Variants in FBXW7 observed in about 807,000 individuals in gnomAD.
FBXW7 encodes the protein F-box and WD repeat domain containing 7, also known as F-box/WD repeat-containing protein 7.
Under a neutral mutation model 86.3 loss-of-function variants are expected in FBXW7, and 11 were observed. That is an observed-to-expected ratio of 0.13 (90% CI 0.08 to 0.21). FBXW7 has a LOEUF of 0.21. Ranked by LOEUF, FBXW7 falls within the 10% of genes least tolerant of loss-of-function variation. FBXW7 has a pLI of 1.00. For synonymous variants in FBXW7, 313 were observed against 297.9 expected, an observed-to-expected ratio of 1.05 and a Z score of -0.52; for missense variants, 488 against 847.4, an observed-to-expected ratio of 0.58 and a Z score of 5.27.
At chr4:152,489,154 C>A (rs568131297) in intron 2 of FBXW7, among the ~76,000 whole-genome samples, 1 of 152,126 alleles carries the variant, frequency 6.6e-6, no homozygotes, top group South Asian at 2.1e-4. Context: ...ATTCTTAATT[C>A]TGTAAGGCTC....
At chr4:152,447,453 C>G (rs1454343818) in intron 2 of FBXW7, among the ~76,000 whole-genome samples, 1 of 152,158 alleles carries the variant, frequency 6.6e-6, no homozygotes, top group Non-Finnish European at 1.5e-5. Flanking sequence ...TAATCAAAGT[C>G]TTTGACAGCA....
chr4:152,463,746 TTC>T (rs1288377757), intron 2 of FBXW7, among the ~76,000 whole-genome samples: 1 of 152,148 alleles, frequency 6.6e-6, no homozygotes, highest in East Asian at 1.9e-4. Context: ...AATGTGGTAT[TTC>T]TGAGTCATCA....
At chr4:152,439,501 G>A (rs1196159134) in intron 2 of FBXW7, among the ~76,000 whole-genome samples, 1 of 152,014 alleles carries the variant, frequency 6.6e-6, no homozygotes, top group Non-Finnish European at 1.5e-5. Flanking sequence ...TTCAGGGCCC[G>A]ATTTTGCAGA....
chr4:152,391,077 A>AT (rs1463596895), intron 4 of FBXW7, among the ~76,000 whole-genome samples: 1 of 152,066 alleles, frequency 6.6e-6, no homozygotes, highest in Non-Finnish European at 1.5e-5. Flanking sequence ...AATAAAAATC[A>AT]ATATATTTTG....
intron 2 of FBXW7, among the ~76,000 whole-genome samples, chr4:152,504,959 G>A (rs1747277761): frequency 6.6e-6 from 1 of 152,070 alleles, no homozygotes; most frequent in African/African-American, 2.4e-5. Context: ...ATACAGTCAC[G>A]CATCGCCTCA....
chr4:152,407,934 G>A (rs1737571174), intron 4 of FBXW7, among the ~76,000 whole-genome samples: 1 of 152,056 alleles, frequency 6.6e-6, no homozygotes, highest in South Asian at 2.1e-4. Flanking sequence ...CAAGCAATCT[G>A]CCCACCTCAG....
At chr4:152,524,859 A>G (rs967999048) in intron 2 of FBXW7, among the ~76,000 whole-genome samples, 1 of 152,234 alleles carries the variant, frequency 6.6e-6, no homozygotes, top group Non-Finnish European at 1.5e-5. Context: ...CTCAGTAGAA[A>G]AAGGCTTCCC....
chr4:152,467,628 C>T (rs959334346), intron 2 of FBXW7, among the ~76,000 whole-genome samples: 1 of 152,188 alleles, frequency 6.6e-6, no homozygotes, highest in African/African-American at 2.4e-5. Context: ...AGCTGAGGAA[C>T]TGAAGCACAA....
chr4:152,377,239 T>G (rs1734632642), intron 4 of FBXW7, among the ~76,000 whole-genome samples: 1 of 152,198 alleles, frequency 6.6e-6, no homozygotes, highest in Non-Finnish European at 1.5e-5. Context: ...CTGGGAGAGT[T>G]ATTCACTTGT....
At chr4:152,489,160 G>A (rs535152463) in intron 2 of FBXW7, among the ~76,000 whole-genome samples, 1 of 152,180 alleles carries the variant, frequency 6.6e-6, no homozygotes, top group East Asian at 1.9e-4. Flanking sequence ...AATTCTGTAA[G>A]GCTCAAGGGT....
At chr4:152,431,802 A>T (rs779045876) in intron 2 of FBXW7, among the ~76,000 whole-genome samples, 4 of 152,210 alleles carry the variant, frequency 2.6e-5, no homozygotes, top group Non-Finnish European at 5.9e-5. Context: ...CAAAATTATG[A>T]TTACTAAGAT....
chr4:152,347,654 T>C (rs989703178), intron 5 of FBXW7, among the ~76,000 whole-genome samples: 2 of 152,138 alleles, frequency 1.3e-5, no homozygotes, highest in Non-Finnish European at 2.9e-5. Context: ...CAGTCTTGAT[T>C]AGAAATACAT....
At chr4:152,527,159 G>A (rs890202672) in intron 2 of FBXW7, among the ~76,000 whole-genome samples, 6 of 152,122 alleles carry the variant, frequency 3.9e-5, no homozygotes, top group Non-Finnish European at 7.3e-5. Flanking sequence ...TAAAGGACAC[G>A]TTTTCCTCCA....
chr4:152,491,992 T>C (rs1235583511), intron 2 of FBXW7, among the ~76,000 whole-genome samples: 4 of 152,186 alleles, frequency 2.6e-5, no homozygotes, highest in Non-Finnish European at 1.5e-5. Flanking sequence ...CTATGAGATA[T>C]GGAACATTTT....
At chr4:152,485,803 G>A (rs1259405299) in intron 2 of FBXW7, among the ~76,000 whole-genome samples, 1 of 152,146 alleles carries the variant, frequency 6.6e-6, no homozygotes, top group Non-Finnish European at 1.5e-5. Context: ...AAATGAGGGG[G>A]CATGTCAAAG....
chr4:152,375,286 T>C (rs888934787), intron 4 of FBXW7, among the ~76,000 whole-genome samples: 1 of 152,054 alleles, frequency 6.6e-6, no homozygotes, highest in Non-Finnish European at 1.5e-5. Flanking sequence ...AAAGATACCA[T>C]GCTAAAATTC....
chr4:152,365,194 T>C (rs1294102418), intron 4 of FBXW7, among the ~76,000 whole-genome samples: 17 of 152,188 alleles, frequency 1.1e-4, no homozygotes, highest in Admixed American at 8.5e-4. Context: ...TAGAGGACAC[T>C]GAACAGAGGT....
chr4:152,479,474 C>G (rs988768382), intron 2 of FBXW7, among the ~76,000 whole-genome samples: 3 of 152,106 alleles, frequency 2.0e-5, no homozygotes, highest in Admixed American at 6.6e-5. Flanking sequence ...AATAGTCTCT[C>G]GCACACACAC....
rs1729678013 is a variant in FBXW7, at chr4:152,332,719, A to G, written c.862T>C (p.Leu288=). The part of the protein sequence containing the change: ...RDFISLLPKE[L]ALYVLSFLEP... ...AGGAATGAAAGCACATAGAGTGCCA[A>G]CTAAGAAAAAAATGCATAGTATAAT... The change falls in exon 8 of 14, where the codon TTG becomes CTG. Residue 288 remains leucine (L), a splice_region_variant and synonymous_variant. Transcript: ENST00000281708. 2 of 1,560,804 alleles carry G rather than the reference A, an allele frequency of 1.3e-6. No homozygotes were observed. Among genetic ancestry groups the G allele is most frequent in the Non-Finnish European group, 1.7e-6 (2 of 1,147,998 alleles).
Sources: gnomAD v4.1 joint callset for allele counts (sites outside exome capture counted in the v4.1 genomes callset) on GRCh38, gnomAD v4.1.1 for gene constraint, MANE v1.5 for transcripts, NCBI Gene and HGNC (gene_info 2026-07-23, HGNC 2026-07-21) for gene names.